Variants in SAMD4A observed in about 807,000 individuals in gnomAD.
SAMD4A encodes protein Smaug homolog 1.
A neutral mutation model predicts 81.3 loss-of-function variants in SAMD4A; 33 were observed. The ratio of observed to expected loss-of-function variants is 0.41; its 90% CI spans 0.31 to 0.54. The LOEUF is 0.54. Ranked by LOEUF, SAMD4A falls within the 20% of genes least tolerant of loss-of-function variation. The pLI is 0.37. For missense variants in SAMD4A, 854 were observed against 951.1 expected, an observed-to-expected ratio of 0.90 and a Z score of 1.34; for synonymous variants, 389 against 382.1, an observed-to-expected ratio of 1.02 and a Z score of -0.21.
chr14:54,638,443 A>G (rs2035089070), intron 2 of SAMD4A, among the ~76,000 whole-genome samples: 1 of 152,226 alleles, frequency 6.6e-6, no homozygotes, highest in South Asian at 2.1e-4. Context: ...GAGGGTGAAT[A>G]GTGATGGATA....
At chr14:54,670,744 A>G (rs1165228773) in intron 2 of SAMD4A, among the ~76,000 whole-genome samples, 2 of 152,262 alleles carry the variant, frequency 1.3e-5, no homozygotes, top group Non-Finnish European at 2.9e-5. Context: ...TAGCTCTTGT[A>G]TGTGGAGGGA....
intron 4 of SAMD4A, among the ~76,000 whole-genome samples, chr14:54,742,079 T>A (rs1200953118): frequency 6.6e-6 from 1 of 152,008 alleles, no homozygotes; most frequent in Non-Finnish European, 1.5e-5. Flanking sequence ...GGATTCCAGA[T>A]TTGAAGGCCA....
rs141514832 is a variant in SAMD4A at position 54,724,012 on chromosome 14, G to GGAAGGAAGGAAGAAGGAAGGAA, written c.716-13000_716-12999insAAGGAAGGAAGAAGGAAGGAAG. 2.0e-3 allele frequency among the ~76,000 whole-genome samples: 279 copies of GGAAGGAAGGAAGAAGGAAGGAA among 141,600 alleles called. 2 individuals carry two copies. The East Asian group carries it at 0.021, about 10-fold the overall frequency. 92.9% of individuals were successfully genotyped at this position (141,600 alleles called of 152,430 possible). Reference sequence around the variant, plus strand: ...ATATTGGATGGATGGATGGATGGAAGGAAGGAAGGAAGGAAGGAAGGAAGG... The same window carrying GGAAGGAAGGAAGAAGGAAGGAA: ...ATATTGGATGGATGGATGGATGGAAGGAAGGAAGGAAGAAGGAAGGAAGAAGGAAGGAAGGAAGGAAGGAAGG... On this transcript the variant is annotated intron_variant, in intron 3 of 12. Coordinates refer to ENST00000554335, the MANE Select transcript of SAMD4A (RefSeq NM_015589.6).
At chr14:54,591,236 G>T (rs185517789) in intron 2 of SAMD4A, among the ~76,000 whole-genome samples, 1 of 152,154 alleles carries the variant, frequency 6.6e-6, no homozygotes, top group East Asian at 1.9e-4. Context: ...TATCCCTGGG[G>T]TTCTCAGCAA....
intron 3 of SAMD4A, 66 bp from the exon 4 acceptor site, chr14:54,736,958 T>A: frequency 1.9e-6 from 3 of 1,567,848 alleles, no homozygotes; most frequent in Non-Finnish European, 2.6e-6. Flanking sequence ...AGAGGTATTG[T>A]GGGTTCTTCG....
chr14:54,701,918 C>T (rs892577357), intron 2 of SAMD4A, 144 bp from the exon 3 acceptor site: 2 of 863,768 alleles, frequency 2.3e-6, no homozygotes, highest in Non-Finnish European at 3.5e-6. Flanking sequence ...GTCAGTTAAC[C>T]AATCTGATTC....
chr14:54,599,899 A>G (rs1377718240), intron 2 of SAMD4A, among the ~76,000 whole-genome samples: 1 of 152,186 alleles, frequency 6.6e-6, no homozygotes, highest in Non-Finnish European at 1.5e-5. Context: ...TAAAACACTG[A>G]GATCTCTTCA....
chr14:54,760,027 T>C (rs2038348538), intron 6 of SAMD4A, 134 bp from the exon 7 acceptor site: 1 of 849,210 alleles, frequency 1.2e-6, no homozygotes, highest in African/African-American at 1.8e-5. Flanking sequence ...GTGGTCCCTT[T>C]TCCCAAAAAC....
chr14:54,654,460 C>T (rs79503520), intron 2 of SAMD4A, among the ~76,000 whole-genome samples: 2 of 152,200 alleles, frequency 1.3e-5, no homozygotes, highest in Admixed American at 6.5e-5. Context: ...CCCCCTGGGC[C>T]GGTGACCCCA....
At chr14:54,764,918 C>A (rs995830162) in intron 8 of SAMD4A, among the ~76,000 whole-genome samples, 1 of 152,112 alleles carries the variant, frequency 6.6e-6, no homozygotes, top group African/African-American at 2.4e-5. Flanking sequence ...GCTCAGGGAA[C>A]TGGAGAGAGG....
chr14:54,785,637 A>T (rs1273215198), intron 12 of SAMD4A, among the ~76,000 whole-genome samples: 1 of 152,192 alleles, frequency 6.6e-6, no homozygotes, highest in East Asian at 1.9e-4. Context: ...GACGTGCGCC[A>T]CCTGGCAGTG....
chr14:54,607,525 T>C (rs1411433202), intron 2 of SAMD4A, among the ~76,000 whole-genome samples: 2 of 151,208 alleles, frequency 1.3e-5, no homozygotes, highest in Non-Finnish European at 2.9e-5. Flanking sequence ...GCACGATCTC[T>C]GCTCACTGCA....
intron 2 of SAMD4A, among the ~76,000 whole-genome samples, chr14:54,594,799 C>T (rs534273422): frequency 1.3e-5 from 2 of 152,272 alleles, no homozygotes; most frequent in African/African-American, 4.8e-5. Flanking sequence ...CTTATTGGTG[C>T]ATAATTTTTG....
At chr14:54,667,320 C>G (rs986483109) in intron 2 of SAMD4A, among the ~76,000 whole-genome samples, 4 of 152,190 alleles carry the variant, frequency 2.6e-5, no homozygotes, top group African/African-American at 9.7e-5. Context: ...ATAATGCTTA[C>G]TGTGTCTTTA....
At chr14:54,769,612 G>A (rs1384025102) in intron 8 of SAMD4A, among the ~76,000 whole-genome samples, 1 of 152,152 alleles carries the variant, frequency 6.6e-6, no homozygotes, top group African/African-American at 2.4e-5. Context: ...TCTCAGCAAA[G>A]CCCTGAAACA....
chr14:54,778,256 A>G (rs566528137), intron 11 of SAMD4A, among the ~76,000 whole-genome samples: 1 of 152,306 alleles, frequency 6.6e-6, no homozygotes, highest in African/African-American at 2.4e-5. Context: ...AACTGGGAAG[A>G]CTAGGTCCAG....
intron 3 of SAMD4A, among the ~76,000 whole-genome samples, chr14:54,705,724 T>C (rs745441426): frequency 7.2e-5 from 11 of 152,236 alleles, no homozygotes; most frequent in Non-Finnish European, 1.3e-4. Context: ...AAATGCTTCC[T>C]GTCCATCTTC....
intron 5 of SAMD4A, among the ~76,000 whole-genome samples, chr14:54,750,966 A>G (rs1388669807): frequency 6.6e-6 from 1 of 152,268 alleles, no homozygotes; most frequent in African/African-American, 2.4e-5. Flanking sequence ...AGACGGAGTT[A>G]GAATTAAGAA....
intron 11 of SAMD4A, among the ~76,000 whole-genome samples, chr14:54,781,652 G>A (rs566703142): frequency 2.6e-4 from 40 of 152,344 alleles, no homozygotes; most frequent in African/African-American, 9.4e-4. Context: ...CCATCTGCCT[G>A]GTCTGTGGCC....
Sources: allele counts gnomAD v4.1 joint callset (sites outside exome capture counted in the v4.1 genomes callset), GRCh38; gene constraint gnomAD v4.1.1; transcripts MANE v1.5; gene names NCBI Gene and HGNC (gene_info 2026-07-23, HGNC 2026-07-21).